WWTR1: variants seen among roughly 807,000 people sequenced by gnomAD.
The protein encoded by WWTR1 is WW domain containing transcription regulator 1, also known as WW domain-containing transcription regulator protein 1.
WWTR1 carries 13 observed loss-of-function variants against 40.1 expected under a neutral mutation model. The ratio of observed to expected loss-of-function variants is 0.32; its 90% CI spans 0.21 to 0.52. The LOEUF is 0.52. Ranked by LOEUF, WWTR1 falls within the 20% of genes least tolerant of loss-of-function variation. WWTR1 has a pLI of 0.97. For synonymous variants in WWTR1, 230 were observed against 210.1 expected (o/e 1.09, Z -0.82); for missense variants, 436 against 523.1 (o/e 0.83, Z 1.63).
chr3:149,566,666 G>A (rs529164344), intron 3 of WWTR1, among the ~76,000 whole-genome samples: 20 of 152,154 alleles, frequency 1.3e-4, no homozygotes, highest in African/African-American at 4.8e-4. Context: ...AGCAACCCAG[G>A]GCTTCGATAT....
chr3:149,593,470 C>T (rs1465498564), intron 2 of WWTR1, among the ~76,000 whole-genome samples: 1 of 151,678 alleles, frequency 6.6e-6, no homozygotes, highest in East Asian at 1.9e-4. Context: ...CTGTTTATTA[C>T]CCTTTGAGAA....
At position 149,657,034 on chromosome 3, in the gene WWTR1, G is replaced by C. The variant is rs750408012; in HGVS notation, c.273C>G (p.Pro91=). The C allele has an allele frequency of 2.5e-6, 4 of 1,586,230 alleles. No individual in the cohort carries two copies. Among genetic ancestry groups the C allele is most frequent in the Non-Finnish European group, 2.6e-6 (3 of 1,171,218 alleles). The change falls in exon 2 of 7, where the codon CCC becomes CCG. Residue 91 remains proline (P), a synonymous_variant. Coordinates refer to ENST00000360632, the MANE Select transcript of WWTR1 (RefSeq NM_015472.6). The part of the protein sequence containing the change: ...GAQHVRSHSS[P]ASLQLGTGAG... The stretch of plus-strand genomic sequence containing the variant: ...CGCCGGTGCCCAGCTGCAGGGACGC[G>C]GGCGACGAGTGCGAGCGGACATGCT...
intron 2 of WWTR1, among the ~76,000 whole-genome samples, chr3:149,640,389 TATAG>T (rs1712102158): frequency 6.6e-6 from 1 of 152,204 alleles, no homozygotes; most frequent in Non-Finnish European, 1.5e-5. Flanking sequence ...TGCTTTTGTC[TATAG>T]ATAAAGGTTA....
At chr3:149,690,604 C>A (rs1313845940) in intron 1 of WWTR1, among the ~76,000 whole-genome samples, 1 of 152,028 alleles carries the variant, frequency 6.6e-6, no homozygotes, top group Non-Finnish European at 1.5e-5. Flanking sequence ...AATGGAGCAT[C>A]CAGATATATA....
chr3:149,665,613 AG>A (rs1283308291), intron 2 of WWTR1, among the ~76,000 whole-genome samples: 2 of 152,318 alleles, frequency 1.3e-5, no homozygotes, highest in African/African-American at 4.8e-5. Flanking sequence ...GTTATTTGAA[AG>A]TGTTTATGAA....
intron 2 of WWTR1, among the ~76,000 whole-genome samples, chr3:149,601,710 A>AT (rs3976504): frequency 0.063 from 9,533 of 150,708 alleles, 673 homozygotes; most frequent in East Asian, 0.22. Context: ...GAAAAAAATT[A>AT]TTTTTTTTTT....
At chr3:149,608,607 T>TA (rs2108063310) in intron 2 of WWTR1, among the ~76,000 whole-genome samples, 1 of 152,230 alleles carries the variant, frequency 6.6e-6, no homozygotes, top group Non-Finnish European at 1.5e-5. Context: ...CAGGCTGGTT[T>TA]CGAACTCCTG....
At chr3:149,544,618 T>C (rs573794882) in intron 3 of WWTR1, among the ~76,000 whole-genome samples, 10 of 152,296 alleles carry the variant, frequency 6.6e-5, no homozygotes, top group African/African-American at 1.7e-4. Context: ...TGTGCCCTGG[T>C]TAGTGGCAAG....
At chr3:149,653,544 G>A (rs1713023026) in intron 2 of WWTR1, among the ~76,000 whole-genome samples, 1 of 152,226 alleles carries the variant, frequency 6.6e-6, no homozygotes, top group Non-Finnish European at 1.5e-5. Flanking sequence ...AATACCACAG[G>A]ACACCTGAAC....
chr3:149,526,399 T>A (rs1456975024), intron 5 of WWTR1, among the ~76,000 whole-genome samples: 1 of 151,494 alleles, frequency 6.6e-6, no homozygotes, highest in African/African-American at 2.4e-5. Flanking sequence ...TGACACCATT[T>A]ATGTAAAACT....
At chr3:149,573,675 T>C (rs902750324) in intron 2 of WWTR1, among the ~76,000 whole-genome samples, 1 of 152,158 alleles carries the variant, frequency 6.6e-6, no homozygotes, top group African/African-American at 2.4e-5. Flanking sequence ...GAAACTTAGA[T>C]ATTGAGGCAT....
intron 1 of WWTR1, among the ~76,000 whole-genome samples, chr3:149,686,983 A>G (rs1714677220): frequency 1.3e-5 from 2 of 152,180 alleles, no homozygotes; most frequent in South Asian, 4.1e-4. Context: ...CCCTAAGGTC[A>G]GTTACCTTTT....
At chr3:149,660,967 G>T (rs1429420222), upstream of WWTR1, 1 of 152,134 alleles carries the variant, frequency 6.6e-6, no homozygotes, top group Non-Finnish European at 1.5e-5. Flanking sequence ...ATACCTTTAC[G>T]TAGCCCCTTC....
chr3:149,721,534 A>G (rs1281453302), intron 4 of WWTR1, among the ~76,000 whole-genome samples: 2 of 152,160 alleles, frequency 1.3e-5, no homozygotes, highest in Non-Finnish European at 2.9e-5. Context: ...TTTTGCATCA[A>G]TGTTCATAAG....
intron 2 of WWTR1, among the ~76,000 whole-genome samples, chr3:149,646,302 T>C (rs1433797771): frequency 6.6e-6 from 1 of 152,224 alleles, no homozygotes; most frequent in African/African-American, 2.4e-5. Flanking sequence ...TCAAGACCAG[T>C]ATGTAGTCCT....
intron 3 of WWTR1, 141 bp downstream of exon 3, chr3:149,572,723 T>C (rs1451707638): frequency 9.9e-7 from 1 of 1,013,650 alleles, no homozygotes; most frequent in Non-Finnish European, 1.4e-6. Context: ...GGTTCATGCC[T>C]GTTATCGCAG....
intron 2 of WWTR1, among the ~76,000 whole-genome samples, chr3:149,669,213 A>G (rs1178259838): frequency 6.6e-6 from 1 of 152,132 alleles, no homozygotes; most frequent in Non-Finnish European, 1.5e-5. Context: ...CAATACACAT[A>G]TACAATATAC....
chr3:149,722,872 G>A (rs564895481), intron 4 of WWTR1, among the ~76,000 whole-genome samples: 2 of 151,488 alleles, frequency 1.3e-5, no homozygotes, highest in East Asian at 3.9e-4. Context: ...TTTCTTTTTA[G>A]GTTTTCTATT....
chr3:149,620,659 A>G (rs1289385733), intron 2 of WWTR1, among the ~76,000 whole-genome samples: 1 of 151,060 alleles, frequency 6.6e-6, no homozygotes, highest in African/African-American at 2.4e-5. Context: ...GGATGTTTTT[A>G]TAGCAGCCAA....
Sources: allele counts gnomAD v4.1 joint callset (sites outside exome capture counted in the v4.1 genomes callset), GRCh38; gene constraint gnomAD v4.1.1; transcripts MANE v1.5; gene names NCBI Gene and HGNC (gene_info 2026-07-23, HGNC 2026-07-21).